ANKMY1: variants seen among roughly 807,000 people sequenced by gnomAD.
ANKMY1 encodes ankyrin repeat and MYND domain containing 1, also known as ankyrin repeat and MYND domain-containing protein 1.
In ANKMY1, 98 loss-of-function variants were observed where a neutral mutation model predicts 102.0. That is an observed-to-expected ratio of 0.96 (90% CI 0.82 to 1.14). ANKMY1 has a LOEUF of 1.14. Among genes scored for constraint, ANKMY1 ranks in the 50% most tolerant of loss-of-function variants. ANKMY1 has a pLI of 0.00. For missense variants in ANKMY1, 1,330 were observed against 1,347.6 expected (o/e 0.99, Z 0.20); for synonymous variants, 582 against 559.9 (o/e 1.04, Z -0.56).
At chr2:240,511,470 C>T (rs541985265) in intron 11 of ANKMY1, among the ~76,000 whole-genome samples, 10 of 152,222 alleles carry the variant, frequency 6.6e-5, no homozygotes, top group Non-Finnish European at 1.3e-4. Context: ...GCAGCGGCCA[C>T]AGGGCCAAAG....
chr2:240,508,928 G>A (rs953187898), intron 12 of ANKMY1, among the ~76,000 whole-genome samples: 2 of 151,986 alleles, frequency 1.3e-5, no homozygotes, highest in Non-Finnish European at 2.9e-5. Flanking sequence ...ATGGGTGAAC[G>A]GTTGAGTGGA....
chr2:240,507,234 C>T (rs547337405), intron 13 of ANKMY1, among the ~76,000 whole-genome samples: 5 of 152,230 alleles, frequency 3.3e-5, no homozygotes, highest in African/African-American at 7.2e-5. Flanking sequence ...AATGACCCAC[C>T]GCCCGCCAGG....
chr2:240,523,710 C>T, intron 8 of ANKMY1, 175 bp downstream of exon 8: 1 of 1,102,890 alleles, frequency 9.1e-7, no homozygotes, highest in South Asian at 1.6e-5. Flanking sequence ...CCGTGGCACC[C>T]CCACAGGGCT....
chr2:240,495,713 C>A (rs891312008), intron 15 of ANKMY1, among the ~76,000 whole-genome samples: 1 of 152,108 alleles, frequency 6.6e-6, no homozygotes, highest in African/African-American at 2.4e-5. Context: ...AGTTGTCCCC[C>A]GGGCCCAGCT....
chr2:240,535,173 G>A (rs1026922677), intron 4 of ANKMY1, among the ~76,000 whole-genome samples: 4 of 152,286 alleles, frequency 2.6e-5, no homozygotes, highest in Non-Finnish European at 5.9e-5. Context: ...AGGTGGTTGG[G>A]GTACAGCTTG....
chr2:240,527,307 T>C (rs2083763924), intron 5 of ANKMY1: 1 of 152,916 alleles, frequency 6.5e-6, no homozygotes, highest in Non-Finnish European at 1.5e-5. Context: ...AGTGGATGAC[T>C]GGGTAGGTAG....
chr2:240,490,524 A>G (rs1184451091), intron 15 of ANKMY1, among the ~76,000 whole-genome samples: 1 of 152,102 alleles, frequency 6.6e-6, no homozygotes, highest in African/African-American at 2.4e-5. Flanking sequence ...CGTTGACTCA[A>G]TATTAATTCA....
chr2:240,560,541 C>A, upstream of ANKMY1: 1 of 1,206,806 alleles, frequency 8.3e-7, no homozygotes, highest in Non-Finnish European at 1.1e-6. Context: ...GGGACCCAAG[C>A]CCCAGCCTGG....
At position 240,529,071 on chromosome 2, in the gene ANKMY1, AC is replaced by A; in HGVS notation, c.918del (p.Leu306PhefsTer47). The A allele has an allele frequency of 1.9e-6, 3 of 1,614,192 alleles. No homozygotes were observed. Among genetic ancestry groups the A allele is most frequent in the Non-Finnish European group, 2.5e-6 (3 of 1,180,034 alleles). The stretch of plus-strand genomic sequence containing the variant: ...TAAGTTTGCTTCTGGATTTTGACCA[AC>A]AAAGGGGTCTCATTGATTATGAACC... ...EPWFIINETP[L>X]LVKIQKQTYK... On this transcript the variant is annotated frameshift_variant, in exon 5 of 18. Transcript: ENST00000401804. LOFTEE classifies it high-confidence loss of function. The surrounding 1 kb of genome is among the most constrained non-coding windows in gnomAD (Gnocchi z 4.2).
chr2:240,515,007 C>A (rs1230258731), intron 9 of ANKMY1, among the ~76,000 whole-genome samples: 1 of 152,226 alleles, frequency 6.6e-6, no homozygotes, highest in Non-Finnish European at 1.5e-5. Flanking sequence ...TCAAGATGAA[C>A]TGCTCTTGTG....
At chr2:240,552,109 T>G (rs888774082) in intron 4 of ANKMY1, among the ~76,000 whole-genome samples, 2 of 152,166 alleles carry the variant, frequency 1.3e-5, no homozygotes, top group African/African-American at 4.8e-5. Flanking sequence ...ACCCCTAGTT[T>G]TAGTCAGGGG....
chr2:240,556,315 C>T (rs2092339017), intron 2 of ANKMY1, among the ~76,000 whole-genome samples: 1 of 152,198 alleles, frequency 6.6e-6, no homozygotes, highest in Non-Finnish European at 1.5e-5. Flanking sequence ...CCATCATGTT[C>T]CCATGCCCAG....
Position 240,499,203 on chromosome 2 carries a change from A to G in ANKMY1, c.2806+755T>C, listed in dbSNP as rs976390879. ...TCAGCAGGTTCCGGTGTGTGTGTGC[A>G]CACACGTGTTAACACGTGACAGGTT... On this transcript the variant is annotated intron_variant, in intron 15 of 17. Coordinates refer to ENST00000401804, the MANE Select transcript of ANKMY1 (RefSeq NM_001282771.3). This position sits in a 1 kb window ranked among gnomAD's most constrained non-coding sequence, Gnocchi z 4.2. Among the ~76,000 whole-genome samples the G allele has an allele frequency of 1.2e-4, 18 of 152,190 alleles. No homozygotes were observed. The highest frequency in any genetic ancestry group is 3.9e-4 in the African/African-American group (16 of 41,502).
intron 9 of ANKMY1, among the ~76,000 whole-genome samples, chr2:240,515,437 G>A (rs1334216023): frequency 6.6e-6 from 1 of 151,942 alleles, no homozygotes; most frequent in Non-Finnish European, 1.5e-5. Context: ...CAGGAGGCTG[G>A]GGCAGGAAAA....
chr2:240,558,101 CCT>C, upstream of ANKMY1: 2 of 522,056 alleles, frequency 3.8e-6, no homozygotes, highest in Non-Finnish European at 4.9e-6. Flanking sequence ...GCGTGCCCGC[CCT>C]CTGTGACTTC....
rs957385957 is a variant in ANKMY1, at chr2:240,506,366, A to G, written c.2526+1194T>C. ...GGGGCCCCTCCCAGCCCCCAGGTCC[A>G]GAAATGGTGCCGACTACCCACACAC... On this transcript the variant is annotated intron_variant, in intron 13 of 17. Transcript: ENST00000401804. The surrounding 1 kb of genome is among the most constrained non-coding windows in gnomAD (Gnocchi z 4.9). Among the ~76,000 whole-genome samples, 1 of 152,186 alleles carries G rather than the reference A, an allele frequency of 6.6e-6. No homozygotes were observed. Among genetic ancestry groups the G allele is most frequent in the South Asian group, 2.1e-4 (1 of 4,828 alleles).
upstream of ANKMY1, among the ~76,000 whole-genome samples, chr2:240,559,263 C>T (rs867333748): frequency 1.3e-5 from 2 of 152,164 alleles, no homozygotes; most frequent in South Asian, 4.1e-4. Flanking sequence ...ATCCTCCAAC[C>T]GTAAAGGGTG....
At chr2:240,500,373 G>A in intron 14 of ANKMY1, 79 bp downstream of exon 14, 1 of 1,433,918 alleles carries the variant, frequency 7.0e-7, no homozygotes, top group East Asian at 2.3e-5. Flanking sequence ...CTTTGCCCCA[G>A]AGAAGCTAAT....
intron 8 of ANKMY1, chr2:240,522,948 C>G (rs1248431286): frequency 6.6e-6 from 1 of 152,156 alleles, no homozygotes; most frequent in Non-Finnish European, 1.5e-5. Context: ...CTTAAAGTGG[C>G]AGGCTGTGTT....
Sources: allele counts gnomAD v4.1 joint callset (sites outside exome capture counted in the v4.1 genomes callset), GRCh38; gene constraint gnomAD v4.1.1; non-coding constraint Gnocchi (gnomAD v3.1); transcripts MANE v1.5; gene names NCBI Gene and HGNC (gene_info 2026-07-23, HGNC 2026-07-21).